The following CNTN1 variants were observed in gnomAD, a reference collection of about 807,000 sequenced individuals.
CNTN1 encodes the protein contactin 1.
In CNTN1, 38 loss-of-function variants were observed where a neutral mutation model predicts 126.4. That is an observed-to-expected ratio of 0.30 (90% CI 0.23 to 0.39). CNTN1 has a LOEUF of 0.39. CNTN1 is among the 10% of genes least tolerant of loss of function. The pLI is 1.00. For synonymous variants in CNTN1, 413 were observed against 422.6 expected, an observed-to-expected ratio of 0.98 and a Z score of 0.28; for missense variants, 1,009 against 1,248.4, an observed-to-expected ratio of 0.81 and a Z score of 2.89.
At chr12:40,887,307 G>C (rs115813861) in intron 1 of CNTN1, among the ~76,000 whole-genome samples, 3,449 of 151,748 alleles carry the variant, frequency 0.023, 128 homozygotes, top group African/African-American at 0.079. Flanking sequence ...TGGATTCCTA[G>C]AATTTACAAG....
intron 14 of CNTN1, among the ~76,000 whole-genome samples, chr12:40,950,171 C>T (rs559789204): frequency 6.8e-6 from 1 of 147,746 alleles, no homozygotes; most frequent in South Asian, 2.2e-4. Context: ...ATTAAATATC[C>T]TATAATGCAC....
intron 23 of CNTN1, among the ~76,000 whole-genome samples, chr12:41,057,998 T>A (rs956128789): frequency 4.6e-5 from 7 of 152,066 alleles, no homozygotes; most frequent in Admixed American, 4.6e-4. Context: ...TGGTACCTCA[T>A]GAACTGAACT....
At chr12:41,069,919 A>G (rs534949322) in intron 23 of CNTN1, 40 bp from the exon 24 acceptor site, 2 of 1,515,630 alleles carry the variant, frequency 1.3e-6, no homozygotes, top group Admixed American at 1.7e-5. Context: ...AGTGACATGT[A>G]TCAATGAAAT....
In CNTN1 at chr12:40,951,714, T is replaced by TAAAAAAAAAAAAAA. The variant is rs1294780787; in HGVS notation, c.1684-7400_1684-7399insAAAAAAAAAAAAAA. Among the ~76,000 whole-genome samples the TAAAAAAAAAAAAAA allele has an allele frequency of 5.0e-5, 4 of 79,610 alleles. 1 individual carries two copies. Among genetic ancestry groups the TAAAAAAAAAAAAAA allele is most frequent in the African/African-American group, 1.8e-4 (3 of 17,030 alleles). 52.2% of individuals were successfully genotyped at this position (79,610 alleles called of 152,430 possible). A position where few individuals can be genotyped will look rare whatever the true frequency, so the allele number is the denominator to read the frequency against. Reference sequence around the variant, plus strand: ...AAAGAGTGAGACTTTGTCTCAAAATTTAAAAAAAAAAAAAAAAAAAAAAAA... The same window carrying TAAAAAAAAAAAAAA: ...AAAGAGTGAGACTTTGTCTCAAAATTAAAAAAAAAAAAAATAAAAAAAAAAAAAAAAAAAAAAAA... On this transcript the variant is annotated intron_variant, in intron 14 of 23. Coordinates refer to ENST00000551295, the MANE Select transcript of CNTN1 (RefSeq NM_001843.4).
chr12:41,046,733 G>A (rs1455036644), intron 23 of CNTN1, among the ~76,000 whole-genome samples: 2 of 150,892 alleles, frequency 1.3e-5, no homozygotes, highest in African/African-American at 4.9e-5. Flanking sequence ...TAAATACTGT[G>A]TTCTCTGACC....
chr12:40,849,204 A>G (rs1285093984), intron 1 of CNTN1, among the ~76,000 whole-genome samples: 2 of 152,174 alleles, frequency 1.3e-5, no homozygotes, highest in Admixed American at 6.5e-5. Context: ...CATGAAGTAC[A>G]AGTGAAATAT....
chr12:41,051,021 A>G (rs1015703353), intron 23 of CNTN1, among the ~76,000 whole-genome samples: 4 of 152,096 alleles, frequency 2.6e-5, no homozygotes, highest in Non-Finnish European at 2.9e-5. Context: ...TGTTGGCCCT[A>G]TTGAGAATGC....
chr12:41,008,660 A>G (rs918237577), intron 17 of CNTN1, among the ~76,000 whole-genome samples: 7 of 152,104 alleles, frequency 4.6e-5, no homozygotes, highest in Admixed American at 2.0e-4. Flanking sequence ...ACAACCAACT[A>G]TTCTTTTTAG....
intron 1 of CNTN1, among the ~76,000 whole-genome samples, chr12:40,775,206 T>C (rs1037761873): frequency 6.6e-6 from 1 of 151,396 alleles, no homozygotes; most frequent in African/African-American, 2.4e-5. Context: ...GGAGGAGAGA[T>C]TTTAAAAATA....
At position 41,070,349 on chromosome 12, in the gene CNTN1, A is replaced by C. The variant is rs1209444096; in HGVS notation, c.*314A>C. 1 of 410,658 alleles carries C rather than the reference A, an allele frequency of 2.4e-6. No individual in the cohort carries two copies. Among genetic ancestry groups the C allele is most frequent in the Non-Finnish European group, 4.6e-6 (1 of 218,680 alleles). 25.4% of individuals were successfully genotyped at this position (410,658 alleles called of 1,614,324 possible). ...GACAAGTTACAGTGTTCAATTCAAT[A>C]CTATAGGCTGTAGAGTGAAAGTCAA... On this transcript the variant is annotated 3_prime_UTR_variant, in exon 24 of 24. Coordinates refer to ENST00000551295, the MANE Select transcript of CNTN1 (RefSeq NM_001843.4).
intron 1 of CNTN1, among the ~76,000 whole-genome samples, chr12:40,799,175 G>T (rs1161356365): frequency 6.6e-6 from 1 of 150,868 alleles, no homozygotes; most frequent in Non-Finnish European, 1.5e-5. Context: ...GCCTAATATT[G>T]CTTGATAATA....
chr12:40,877,335 T>C (rs1943704401), intron 1 of CNTN1, among the ~76,000 whole-genome samples: 1 of 152,110 alleles, frequency 6.6e-6, no homozygotes, highest in South Asian at 2.1e-4. Flanking sequence ...ATGGCATAGG[T>C]CCTGAGAGAT....
At chr12:40,741,017 C>T (rs574762347) in intron 1 of CNTN1, among the ~76,000 whole-genome samples, 1 of 152,160 alleles carries the variant, frequency 6.6e-6, no homozygotes, top group African/African-American at 2.4e-5. Flanking sequence ...CTCCTATACA[C>T]CTGGCCATTT....
At chr12:40,949,172 AAAAATGAT>A (rs138131912) in intron 14 of CNTN1, among the ~76,000 whole-genome samples, 17,381 of 150,638 alleles carry the variant, frequency 0.12, 1,054 homozygotes, top group Non-Finnish European at 0.12. Context: ...AAAGGAGAGG[AAAAATGAT>A]AAAACAGAAG....
intron 1 of CNTN1, among the ~76,000 whole-genome samples, chr12:40,836,203 AAT>A (rs1374630989): frequency 3.4e-5 from 5 of 148,180 alleles, no homozygotes; most frequent in African/African-American, 1.2e-4. Context: ...ATGTATAAAT[AAT>A]ATATATGTAT....
chr12:40,999,169 T>A (rs555791088), intron 17 of CNTN1, among the ~76,000 whole-genome samples: 36 of 152,204 alleles, frequency 2.4e-4, no homozygotes, highest in Non-Finnish European at 3.5e-4. Flanking sequence ...AATTTTTAGA[T>A]CTATGACTGA....
chr12:40,990,877 T>G (rs992263288), intron 16 of CNTN1, among the ~76,000 whole-genome samples: 1 of 152,206 alleles, frequency 6.6e-6, no homozygotes, highest in South Asian at 2.1e-4. Flanking sequence ...TAAATTGTGC[T>G]GGAGTTTTGG....
intron 1 of CNTN1, among the ~76,000 whole-genome samples, chr12:40,780,487 T>C (rs185848603): frequency 6.6e-6 from 1 of 151,998 alleles, no homozygotes; most frequent in East Asian, 1.9e-4. Flanking sequence ...AGTATTTCAA[T>C]TGATTCCCAT....
chr12:40,813,766 C>G (rs548625855), intron 1 of CNTN1, among the ~76,000 whole-genome samples: 85 of 152,298 alleles, frequency 5.6e-4, no homozygotes, highest in African/African-American at 2.0e-3. Context: ...TGAGGAATCA[C>G]CATACTGTCT....
Sources: allele counts gnomAD v4.1 joint callset (sites outside exome capture counted in the v4.1 genomes callset), GRCh38; gene constraint gnomAD v4.1.1; transcripts MANE v1.5; gene names NCBI Gene and HGNC (gene_info 2026-07-23, HGNC 2026-07-21).